USP13: variants seen among roughly 807,000 people sequenced by gnomAD.
USP13 encodes ubiquitin specific peptidase 13.
Under a neutral mutation model 107.8 loss-of-function variants are expected in USP13, and 68 were observed. The observed-to-expected ratio is 0.63, with a 90% confidence interval of 0.52 to 0.77. USP13 has a LOEUF of 0.77. USP13 is among the 30% of genes least tolerant of loss of function. The pLI is 0.00. For missense variants in USP13, 945 were observed against 1,093.3 expected, an observed-to-expected ratio of 0.86 and a Z score of 1.91; for synonymous variants, 377 against 389.5, an observed-to-expected ratio of 0.97 and a Z score of 0.38.
At chr3:179,764,884 T>C (rs902205575) in intron 18 of USP13, among the ~76,000 whole-genome samples, 1 of 152,206 alleles carries the variant, frequency 6.6e-6, no homozygotes, top group African/African-American at 2.4e-5. Flanking sequence ...GTTGCTGAGG[T>C]CACAGTGGCT....
chr3:179,751,765 C>T (rs1425349556), intron 13 of USP13, among the ~76,000 whole-genome samples: 1 of 152,050 alleles, frequency 6.6e-6, no homozygotes, highest in Non-Finnish European at 1.5e-5. Flanking sequence ...ACTCTGTTGC[C>T]CAGGCTGGAG....
At chr3:179,731,852 G>T (rs147300479) in intron 10 of USP13, among the ~76,000 whole-genome samples, 3 of 152,090 alleles carry the variant, frequency 2.0e-5, no homozygotes, top group Admixed American at 6.6e-5. Context: ...GGGCAGGCTC[G>T]TTCAGTTCTG....
At chr3:179,679,811 T>G (rs1370268146) in intron 1 of USP13, among the ~76,000 whole-genome samples, 1 of 148,986 alleles carries the variant, frequency 6.7e-6, no homozygotes, top group African/African-American at 2.5e-5. Flanking sequence ...TTTTTTTTTT[T>G]TTTTTTTTTT....
At chr3:179,738,214 T>G (rs989198481) in intron 10 of USP13, among the ~76,000 whole-genome samples, 8 of 152,198 alleles carry the variant, frequency 5.3e-5, no homozygotes, top group African/African-American at 1.7e-4. Context: ...TGCTCTGGAC[T>G]TCAGAGGAGA....
intron 13 of USP13, among the ~76,000 whole-genome samples, chr3:179,748,244 C>G (rs1037643171): frequency 1.6e-4 from 24 of 152,194 alleles, no homozygotes; most frequent in African/African-American, 5.1e-4. Flanking sequence ...CTCTAAATGC[C>G]TGCTATCAAG....
rs565962476 is a variant in USP13 at position 179,730,055 on chromosome 3, G to T, written c.1089-134G>T. 3 of 760,462 alleles carry T rather than the reference G, an allele frequency of 3.9e-6. No individual in the cohort carries two copies. The South Asian group carries it at 5.4e-5, about 14-fold the overall frequency. The allele number at this position is 760,462 out of a possible 1,614,324, so 47.1% of individuals were successfully genotyped here. On this transcript the variant is annotated intron_variant, in intron 8 of 20. Transcript: ENST00000263966. ...AGTGCTGGTAGGGGTAGAATCTCAT[G>T]AAAAACTTTTCTTCAGGTAGATTGT...
chr3:179,664,917 G>A (rs567892504), intron 1 of USP13, among the ~76,000 whole-genome samples: 3 of 152,080 alleles, frequency 2.0e-5, no homozygotes, highest in Non-Finnish European at 4.4e-5. Flanking sequence ...GTGAAACTCC[G>A]TCTCTACTAA....
intron 19 of USP13, among the ~76,000 whole-genome samples, chr3:179,778,364 C>T (rs1218187616): frequency 1.3e-5 from 2 of 152,188 alleles, no homozygotes; most frequent in Non-Finnish European, 2.9e-5. Context: ...AAGCACTGTT[C>T]TCTGTGCCTG....
chr3:179,749,422 G>A (rs934247893), intron 13 of USP13, among the ~76,000 whole-genome samples: 1 of 152,032 alleles, frequency 6.6e-6, no homozygotes, highest in Non-Finnish European at 1.5e-5. Context: ...CATTTTTCAA[G>A]AAATATTTTA....
At chr3:179,772,892 A>G (rs1336986241) in intron 19 of USP13, among the ~76,000 whole-genome samples, 4 of 152,168 alleles carry the variant, frequency 2.6e-5, no homozygotes, top group African/African-American at 4.8e-5. Flanking sequence ...TTCCGATGTT[A>G]TTGATTTACC....
intron 1 of USP13, among the ~76,000 whole-genome samples, chr3:179,654,785 G>C (rs1720202745): frequency 1.3e-5 from 2 of 152,126 alleles, no homozygotes; most frequent in African/African-American, 2.4e-5. Flanking sequence ...ATTATCTGTG[G>C]GTTGATTTTG....
At chr3:179,688,113 C>CCATA (rs2108460900) in intron 2 of USP13, among the ~76,000 whole-genome samples, 1 of 150,316 alleles carries the variant, frequency 6.7e-6, no homozygotes, top group East Asian at 2.0e-4. Flanking sequence ...ATCCATCCAT[C>CCATA]CATCCATCCA....
At chr3:179,755,405 C>T (rs1250889586) in intron 15 of USP13, among the ~76,000 whole-genome samples, 3 of 152,152 alleles carry the variant, frequency 2.0e-5, no homozygotes, top group Non-Finnish European at 4.4e-5. Context: ...AGCAATTCTC[C>T]TGCCTCAGCC....
intron 19 of USP13, among the ~76,000 whole-genome samples, chr3:179,773,177 A>G (rs1715393720): frequency 6.6e-6 from 1 of 152,218 alleles, no homozygotes; most frequent in South Asian, 2.1e-4. Context: ...GGAAAAGCAT[A>G]TCCCAGATAA....
intron 10 of USP13, among the ~76,000 whole-genome samples, chr3:179,736,978 A>C (rs1221752044): frequency 1.3e-5 from 2 of 152,210 alleles, no homozygotes; most frequent in Non-Finnish European, 2.9e-5. Context: ...TGAATGCCTA[A>C]ACAGAAATGC....
intron 8 of USP13, among the ~76,000 whole-genome samples, chr3:179,727,146 T>C (rs984476676): frequency 1.0e-4 from 15 of 150,652 alleles, no homozygotes; most frequent in African/African-American, 3.7e-4. Context: ...TTTGAGATTA[T>C]TGGAACAATT....
At chr3:179,666,922 G>A (rs1720604263) in intron 1 of USP13, among the ~76,000 whole-genome samples, 1 of 152,200 alleles carries the variant, frequency 6.6e-6, no homozygotes, top group African/African-American at 2.4e-5. Context: ...TAGTAGCCAT[G>A]TGACTTCAGC....
intron 8 of USP13, among the ~76,000 whole-genome samples, chr3:179,723,979 C>T (rs1242741303): frequency 2.0e-5 from 3 of 151,326 alleles, no homozygotes; most frequent in African/African-American, 7.3e-5. Flanking sequence ...AAAGTTAGAT[C>T]CCATCCCTAC....
intron 17 of USP13, 30 bp downstream of exon 17, chr3:179,761,285 G>A: frequency 6.2e-7 from 1 of 1,613,182 alleles, no homozygotes; most frequent in Non-Finnish European, 8.5e-7. Flanking sequence ...AATGGCTTTG[G>A]AGTCTGATGT....
Sources: gnomAD v4.1 joint callset for allele counts (sites outside exome capture counted in the v4.1 genomes callset) on GRCh38, gnomAD v4.1.1 for gene constraint, MANE v1.5 for transcripts, NCBI Gene and HGNC (gene_info 2026-07-23, HGNC 2026-07-21) for gene names.